Variants in AVEN observed in about 807,000 individuals in gnomAD.
AVEN encodes apoptosis and caspase activation inhibitor.
Under a neutral mutation model 38.1 loss-of-function variants are expected in AVEN, and 41 were observed. The ratio of observed to expected loss-of-function variants is 1.08; its 90% CI spans 0.84 to 1.40. AVEN has a LOEUF of 1.40. Ranked by LOEUF, AVEN falls within the 40% of genes most tolerant of loss-of-function variation. The pLI is 0.00. For missense variants in AVEN, 605 were observed against 438.8 expected (o/e 1.38, Z -3.38); for synonymous variants, 206 against 171.8 (o/e 1.20, Z -1.56).
chr15:33,857,707 T>TA (rs1012240215), downstream of AVEN: 25 of 1,573,384 alleles, frequency 1.6e-5, no homozygotes, highest in African/African-American at 9.5e-5. Flanking sequence ...CTCGTTTTCT[T>TA]AGAGTCTCCT....
At chr15:33,972,946 G>A (rs1297932323) in intron 2 of AVEN, among the ~76,000 whole-genome samples, 1 of 152,184 alleles carries the variant, frequency 6.6e-6, no homozygotes, top group Non-Finnish European at 1.5e-5. Flanking sequence ...ATTATCTACA[G>A]TTACACAGAT....
chr15:33,913,212 T>A (rs1175088478), intron 2 of AVEN, among the ~76,000 whole-genome samples: 3 of 152,182 alleles, frequency 2.0e-5, no homozygotes, highest in Non-Finnish European at 4.4e-5. Context: ...AAAAAAAGAA[T>A]GCAGAGGAAT....
chr15:34,008,780 G>C (rs1328061162), intron 1 of AVEN, among the ~76,000 whole-genome samples: 2 of 152,008 alleles, frequency 1.3e-5, no homozygotes, highest in Admixed American at 1.3e-4. Context: ...GAGCCACCGT[G>C]CCTAGCCGAT....
intron 2 of AVEN, among the ~76,000 whole-genome samples, chr15:33,993,713 G>C (rs1388788168): frequency 1.3e-5 from 2 of 152,128 alleles, no homozygotes; most frequent in Non-Finnish European, 2.9e-5. Context: ...CACCACACCT[G>C]CTACCGGGCC....
chr15:33,949,312 G>A (rs376898681), intron 2 of AVEN, among the ~76,000 whole-genome samples: 17 of 152,306 alleles, frequency 1.1e-4, no homozygotes, highest in East Asian at 3.9e-4. Flanking sequence ...GAGCCACCGC[G>A]CCCAGCCAAA....
At position 34,064,364 on chromosome 15, in the gene AVEN, T is replaced by G. The variant is rs1900455709; in HGVS notation, n.1127-932A>C. The G allele has an allele frequency of 2.6e-6, 4 of 1,540,220 alleles. No homozygotes were observed. The African/African-American group carries it at 4.1e-5, about 16-fold the overall frequency. On this transcript the variant is annotated intron_variant and non_coding_transcript_variant, in intron 4 of 11. Coordinates refer to the AVEN transcript ENST00000675287. ...AGAACAATGACCACAGTCAACATCC[T>G]CTGAGGATGAGCAAGCTGATTCTGG... is the stretch of plus-strand genomic sequence containing the variant.
chr15:34,004,694 G>C (rs1189960397), intron 1 of AVEN, among the ~76,000 whole-genome samples: 1 of 152,146 alleles, frequency 6.6e-6, no homozygotes, highest in East Asian at 1.9e-4. Flanking sequence ...TGGGTGGAGA[G>C]GAATGGTGGA....
rs1464008781 is a variant in AVEN at position 34,053,292 on chromosome 15, T to C, written n.1637+9630A>G. Among the ~76,000 whole-genome samples, 12 of 72,662 alleles carry C rather than the reference T, an allele frequency of 1.7e-4. No homozygotes were observed. The South Asian group carries it at 4.5e-3, about 27-fold the overall frequency. The allele number at this position is 72,662 out of a possible 152,430, so 47.7% of individuals were successfully genotyped here. On this transcript the variant is annotated intron_variant and non_coding_transcript_variant, in intron 5 of 11. Coordinates refer to the AVEN transcript ENST00000675287. ...TCCAGCCTGGGTGACAGAGTGAGAC[T>C]CCATCTCAAAAAAAAAAAAAAAAAA...
intron 2 of AVEN, among the ~76,000 whole-genome samples, chr15:33,998,841 C>T (rs773241523): frequency 6.6e-6 from 1 of 152,226 alleles, no homozygotes; most frequent in Non-Finnish European, 1.5e-5. Context: ...ACTCTAGACA[C>T]TGTGGTGCCT....
At chr15:34,017,473 A>ATTTTTTTTTTGTTTTTT (rs1284525085) in intron 1 of AVEN, among the ~76,000 whole-genome samples, 1 of 101,452 alleles carries the variant, frequency 9.9e-6, no homozygotes, top group African/African-American at 3.5e-5. Flanking sequence ...TTTCAGTATG[A>ATTTTTTTTTTGTTTTTT]TTTTTTTTTT....
At chr15:33,867,156 G>A (rs558830857) in intron 5 of AVEN, among the ~76,000 whole-genome samples, 42 of 152,278 alleles carry the variant, frequency 2.8e-4, no homozygotes, top group African/African-American at 9.4e-4. Context: ...GGTATGAAGA[G>A]GTGGCCTGTC....
chr15:34,018,503 T>C (rs2140702516), intron 1 of AVEN: 1 of 152,020 alleles, frequency 6.6e-6, no homozygotes, highest in African/African-American at 2.4e-5. Context: ...GCGTCCAGAG[T>C]TGTTTGTTTC....
At chr15:33,853,512 GGTGGCGT>G in the AVEN span, 1 of 1,598,018 alleles carries the variant, frequency 6.3e-7, no homozygotes, top group Non-Finnish European at 8.6e-7. Flanking sequence ...AATATTTGGT[GGTGGCGT>G]GTGGCCTGAG....
the AVEN span, chr15:33,852,764 T>A: frequency 2.9e-6 from 1 of 343,222 alleles, no homozygotes; most frequent in Admixed American, 4.5e-5. Flanking sequence ...TGTCTCTGTC[T>A]AATCTGTCAT....
chr15:33,917,379 C>CTAT (rs1893179833), intron 2 of AVEN, among the ~76,000 whole-genome samples: 1 of 796 alleles, frequency 1.3e-3, no homozygotes, highest in Non-Finnish European at 2.5e-3. Flanking sequence ...TGTGTGTATA[C>CTAT]ACACACACAC....
At chr15:33,896,554 A>G (rs1394178074) in intron 2 of AVEN, among the ~76,000 whole-genome samples, 1 of 152,138 alleles carries the variant, frequency 6.6e-6, no homozygotes, top group Admixed American at 6.6e-5. Context: ...TCCTCATTTG[A>G]TGTGTTTAAC....
At chr15:33,903,372 C>T (rs1018294029) in intron 2 of AVEN, among the ~76,000 whole-genome samples, 2 of 152,188 alleles carry the variant, frequency 1.3e-5, no homozygotes, top group Non-Finnish European at 2.9e-5. Flanking sequence ...ATGTGAGGCC[C>T]TATACTAGCC....
intron 3 of AVEN, among the ~76,000 whole-genome samples, chr15:33,873,242 G>C (rs1197955259): frequency 6.6e-6 from 1 of 150,586 alleles, no homozygotes; most frequent in Non-Finnish European, 1.5e-5. Context: ...TGGGATTACA[G>C]ACGTGCCCCA....
intron 2 of AVEN, among the ~76,000 whole-genome samples, chr15:34,070,376 C>T (rs1597398893): frequency 7.0e-6 from 1 of 142,912 alleles, no homozygotes; most frequent in African/African-American, 2.6e-5. Flanking sequence ...TTCTTTGTTT[C>T]TTTTTTTTTT....
Sources: allele counts gnomAD v4.1 joint callset (sites outside exome capture counted in the v4.1 genomes callset), GRCh38; gene constraint gnomAD v4.1.1; transcripts MANE v1.5; gene names NCBI Gene and HGNC (gene_info 2026-07-23, HGNC 2026-07-21).